The following HSD3B1 variants were observed in gnomAD, a reference collection of about 807,000 sequenced individuals.
HSD3B1 encodes the protein 3 beta-hydroxysteroid dehydrogenase/Delta 5-->4-isomerase type 1.
HSD3B1 carries 11 observed loss-of-function variants against 10.4 expected under a neutral mutation model. That is an observed-to-expected ratio of 1.05 (90% CI 0.66 to 1.75). The LOEUF is 1.75. Among genes scored for constraint, HSD3B1 ranks in the 40% most tolerant of loss-of-function variants. The probability of loss-of-function intolerance (pLI) is 0.00; values close to 1 mark genes in which losing one functional copy is unlikely to be tolerated. For synonymous variants in HSD3B1, 217 were observed against 185.4 expected (o/e 1.17, Z -1.39); for missense variants, 490 against 454.5 (o/e 1.08, Z -0.71).
In HSD3B1 at chr1:119,507,502, C is replaced by T. The variant is rs763658066; in HGVS notation, c.26C>T (p.Thr9Ile). MTGWSCLV[T>I]GAGGFLGQRI... Reference sequence around the variant, plus strand: ...ATGACGGGCTGGAGCTGCCTTGTGACAGGAGCAGGAGGGTTTCTGGGACAG... The same window carrying T: ...ATGACGGGCTGGAGCTGCCTTGTGATAGGAGCAGGAGGGTTTCTGGGACAG... Residue 9 changes from threonine (T) to isoleucine (I), a missense_variant, in exon 2 of 4, where the codon ACA (threonine) becomes ATA (isoleucine). Thr to Ile is a moderately conservative substitution (Grantham distance 89). Coordinates refer to ENST00000369413, the MANE Select transcript of HSD3B1 (RefSeq NM_000862.3). 2 of 1,613,926 alleles carry T rather than the reference C, an allele frequency of 1.2e-6. No individual in the cohort carries two copies.
rs1360656516 is a variant in HSD3B1, at chr1:119,514,588, G to C, written c.1065G>C (p.Glu355Asp). 2 of 1,613,990 alleles carry C rather than the reference G, an allele frequency of 1.2e-6. No homozygotes were observed. Among genetic ancestry groups the C allele is most frequent in the Middle Eastern group, 1.7e-4 (1 of 6,060 alleles). The stretch of plus-strand genomic sequence containing the variant: ...AGGAAGCCAAGCAGAAAACGGTGGA[G>C]TGGGTTGGTTCCCTTGTGGACCGGC... ...SWEEAKQKTVEWVGSLVDRHK... is the reference protein window; with the variant it reads ...SWEEAKQKTVDWVGSLVDRHK... Residue 355 changes from glutamate (E) to aspartate (D), a missense_variant, in exon 4 of 4, where the codon GAG (glutamate) becomes GAC (aspartate). Coordinates refer to ENST00000369413, the MANE Select transcript of HSD3B1 (RefSeq NM_000862.3).
intron 2 of HSD3B1, among the ~76,000 whole-genome samples, chr1:119,509,654 C>T (rs587607992): frequency 1.3e-5 from 2 of 152,308 alleles, no homozygotes; most frequent in African/African-American, 4.8e-5. Flanking sequence ...GACTCCCCCA[C>T]TCCAGGACCT....
Position 119,513,846 on chromosome 1 carries a change from T to G in HSD3B1, c.323T>G (p.Leu108Arg). 6.2e-7 allele frequency: 1 copy of G among 1,613,824 alleles called. No individual in the cohort carries two copies. The highest frequency in any genetic ancestry group is 2.2e-5 in the East Asian group (1 of 44,876). The change falls in exon 4 of 4, where the codon CTG becomes CGG. Residue 108 changes from leucine to arginine, a missense_variant. Coordinates refer to ENST00000369413, the MANE Select transcript of HSD3B1 (RefSeq NM_000862.3). ...MNVNVKGTQLLLEACVQASVP... is the reference protein window; with the variant it reads ...MNVNVKGTQLRLEACVQASVP... Reference sequence around the variant, plus strand: ...TCTTCATGGACAGGTACCCAGCTCCTGTTAGAGGCCTGTGTCCAAGCTAGT... The same window carrying G: ...TCTTCATGGACAGGTACCCAGCTCCGGTTAGAGGCCTGTGTCCAAGCTAGT...
chr1:119,510,712 G>GTTTTTTTTTTTTTTTTTTT (rs1265546430), intron 2 of HSD3B1, among the ~76,000 whole-genome samples: 1 of 39,060 alleles, frequency 2.6e-5, no homozygotes, highest in Non-Finnish European at 7.0e-5. Context: ...TGCTTGTGTG[G>GTTTTTTTTTTTTTTTTTTT]TTTTCTTTTT....
Position 119,514,381 on chromosome 1 carries a change from T to G in HSD3B1, c.858T>G (p.Phe286Leu). Residue 286 changes from phenylalanine to leucine, a missense_variant, in exon 4 of 4, where the codon TTT (phenylalanine) becomes TTG (leucine). Phe to Leu is a conservative substitution (Grantham distance 22). Transcript: ENST00000369413. ...FGLRLDSRWS[F>L]PLSLMYWIGF... is the part of the protein sequence containing the mutation. Reference sequence around the variant, plus strand: ...TCCGCCTTGATTCCAGATGGAGCTTTCCTTTATCCCTGATGTATTGGATTG... The same window carrying G: ...TCCGCCTTGATTCCAGATGGAGCTTGCCTTTATCCCTGATGTATTGGATTG... 6.2e-7 allele frequency: 1 copy of G among 1,614,156 alleles called. No homozygotes were observed. Among genetic ancestry groups the G allele is most frequent in the South Asian group, 1.1e-5 (1 of 91,082 alleles).
chr1:119,513,788 T>C, intron 3 of HSD3B1, 46 bp from the exon 4 acceptor site: 1 of 1,590,388 alleles, frequency 6.3e-7, no homozygotes, highest in East Asian at 2.2e-5. Flanking sequence ...GGTTGGCACC[T>C]CTTAGGGATA....
In HSD3B1 at chr1:119,507,513, G is replaced by A. The variant is rs778471099; in HGVS notation, c.37G>A (p.Gly13Arg). The A allele has an allele frequency of 1.2e-6, 2 of 1,614,014 alleles. No homozygotes were observed. Among genetic ancestry groups the A allele is most frequent in the Non-Finnish European group, 8.5e-7 (1 of 1,179,952 alleles). Reference protein sequence around the residue: ...GWSCLVTGAGGFLGQRIIRLL... With the variant: ...GWSCLVTGAGRFLGQRIIRLL... ...GAGCTGCCTTGTGACAGGAGCAGGA[G>A]GGTTTCTGGGACAGAGGATCATCCG... Residue 13 changes from glycine to arginine, a missense_variant, in exon 2 of 4, where the codon GGG (glycine) becomes AGG (arginine). Coordinates refer to ENST00000369413, the MANE Select transcript of HSD3B1 (RefSeq NM_000862.3).
chr1:119,510,114 G>A (rs1570878087), intron 2 of HSD3B1, among the ~76,000 whole-genome samples: 2 of 152,308 alleles, frequency 1.3e-5, no homozygotes, highest in Middle Eastern at 6.8e-3. Flanking sequence ...ACAAACAAGT[G>A]TAGAGTATTT....
chr1:119,511,717 C>G (rs1164636706), intron 3 of HSD3B1, 50 bp downstream of exon 3: 1 of 1,509,046 alleles, frequency 6.6e-7, no homozygotes. Flanking sequence ...TTAAGGATCA[C>G]AAAGAAGGGC....
intron 3 of HSD3B1, among the ~76,000 whole-genome samples, chr1:119,512,492 C>G (rs1268474675): frequency 6.6e-6 from 1 of 152,072 alleles, no homozygotes; most frequent in East Asian, 1.9e-4. Flanking sequence ...CCATAGCACC[C>G]CAAACCCCGG....
Position 119,514,469 on chromosome 1 carries a change from A to G in HSD3B1, c.946A>G (p.Asn316Asp). Residue 316 changes from asparagine to aspartate, a missense_variant, in exon 4 of 4, where the codon AAC (asparagine) becomes GAC (aspartate). Physicochemically the swap from Asn to Asp is conservative, Grantham distance 23 (BLOSUM62 1). Coordinates refer to ENST00000369413, the MANE Select transcript of HSD3B1 (RefSeq NM_000862.3). ...RPIYTYRPPF[N>D]RHIVTLSNSV... ...AATTTACACCTATCGACCGCCCTTC[A>G]ACCGCCACATAGTCACATTGTCAAA... 1 of 1,614,100 alleles carries G rather than the reference A, an allele frequency of 6.2e-7. No homozygotes were observed. Among genetic ancestry groups the G allele is most frequent in the Non-Finnish European group, 8.5e-7 (1 of 1,180,004 alleles).
At position 119,514,418 on chromosome 1, in the gene HSD3B1, G is replaced by A. The variant is rs1459737369; in HGVS notation, c.895G>A (p.Glu299Lys). ...GATGTATTGGATTGGCTTCCTGCTG[G>A]AAATAGTGAGCTTCCTACTCAGGCC... ...SLMYWIGFLL[E>K]IVSFLLRPIY... Residue 299 changes from glutamate to lysine, a missense_variant, in exon 4 of 4, where the codon GAA (glutamate) becomes AAA (lysine). Coordinates refer to ENST00000369413, the MANE Select transcript of HSD3B1 (RefSeq NM_000862.3). 2 of 1,614,112 alleles carry A rather than the reference G, an allele frequency of 1.2e-6. No individual in the cohort carries two copies. The highest frequency in any genetic ancestry group is 2.7e-5 in the African/African-American group (2 of 75,022).
In HSD3B1 at chr1:119,511,545, T is replaced by C; in HGVS notation, c.188T>C (p.Ile63Thr). ...KTKLTVLEGD[I>T]LDEPFLKRAC... ...AAGCTGACAGTGCTGGAAGGAGACA[T>C]TCTGGATGAGCCATTCCTGAAGAGA... The change falls in exon 3 of 4, where the codon ATT becomes ACT. Residue 63 changes from isoleucine to threonine, a missense_variant. Ile to Thr is a moderately conservative substitution (Grantham distance 89). Coordinates refer to ENST00000369413, the MANE Select transcript of HSD3B1 (RefSeq NM_000862.3). The C allele has an allele frequency of 6.2e-7, 1 of 1,613,766 alleles. No individual in the cohort carries two copies. The highest frequency in any genetic ancestry group is 8.5e-7 in the Non-Finnish European group (1 of 1,179,772).
At position 119,514,378 on chromosome 1, in the gene HSD3B1, C is replaced by A. The variant is rs776151747; in HGVS notation, c.855C>A (p.Ser285Arg). Residue 285 changes from serine (S) to arginine (R), a missense_variant, in exon 4 of 4, where the codon AGC becomes AGA. Physicochemically the swap from Ser to Arg is moderately radical, Grantham distance 110. Coordinates refer to ENST00000369413, the MANE Select transcript of HSD3B1 (RefSeq NM_000862.3). ...EFGLRLDSRWSFPLSLMYWIG... is the reference protein window; with the variant it reads ...EFGLRLDSRWRFPLSLMYWIG... ...GCCTCCGCCTTGATTCCAGATGGAGCTTTCCTTTATCCCTGATGTATTGGA... is the reference window on the plus strand; with the variant it reads ...GCCTCCGCCTTGATTCCAGATGGAGATTTCCTTTATCCCTGATGTATTGGA... 4 of 1,614,026 alleles carry A rather than the reference C, an allele frequency of 2.5e-6. No individual in the cohort carries two copies. In the African/African-American group the frequency reaches 4.0e-5, roughly 16 times the overall value.
rs587598486 is a variant in HSD3B1, at chr1:119,508,987, G to T, written c.145+1366G>T. 5.9e-5 allele frequency among the ~76,000 whole-genome samples: 9 copies of T among 152,366 alleles called. No individual in the cohort carries two copies. The East Asian group carries it at 1.5e-3, about 26-fold the overall frequency. On this transcript the variant is annotated intron_variant, in intron 2 of 3. Coordinates refer to ENST00000369413, the MANE Select transcript of HSD3B1 (RefSeq NM_000862.3). ...AAGCAATGCTCAGCCTAGAGGTATTGTTCCCCTATGGTAAAAATGCAGATC... is the reference window on the plus strand; with the variant it reads ...AAGCAATGCTCAGCCTAGAGGTATTTTTCCCCTATGGTAAAAATGCAGATC...
rs587718301 is a variant in HSD3B1, at chr1:119,514,045, G to C, written c.522G>C (p.Leu174=). The change falls in exon 4 of 4, where the codon CTG becomes CTC. Residue 174 remains leucine, a synonymous_variant. Coordinates refer to ENST00000369413, the MANE Select transcript of HSD3B1 (RefSeq NM_000862.3). ...TACTGGCGGCTAACGGGTGGAATCT[G>C]AAAAACGGCGGCACCCTGTACACTT... ...KAVLAANGWN[L]KNGGTLYTCA... 8 of 1,614,032 alleles carry C rather than the reference G, an allele frequency of 5.0e-6. No homozygotes were observed. The South Asian group carries it at 8.8e-5, about 18-fold the overall frequency.
chr1:119,508,192 G>C (rs1653843491), intron 2 of HSD3B1, among the ~76,000 whole-genome samples: 1 of 151,964 alleles, frequency 6.6e-6, no homozygotes, highest in African/African-American at 2.4e-5. Flanking sequence ...GTCGGGGAGA[G>C]AGACTCAGAG....
intron 3 of HSD3B1, among the ~76,000 whole-genome samples, chr1:119,513,338 GA>G (rs1233685223): frequency 6.6e-6 from 1 of 152,124 alleles, no homozygotes; most frequent in Non-Finnish European, 1.5e-5. Flanking sequence ...CATATATATT[GA>G]AGAGTTTATA....
intron 3 of HSD3B1, among the ~76,000 whole-genome samples, chr1:119,512,978 ATG>A (rs1653979046): frequency 1.3e-5 from 2 of 152,186 alleles, no homozygotes; most frequent in Non-Finnish European, 2.9e-5. Flanking sequence ...GGAAGGCACT[ATG>A]GGTACCTCCA....
Sources: gnomAD v4.1 joint callset for allele counts (sites outside exome capture counted in the v4.1 genomes callset) on GRCh38, gnomAD v4.1.1 for gene constraint, MANE v1.5 for transcripts, NCBI Gene and HGNC (gene_info 2026-07-23, HGNC 2026-07-21) for gene names.